Variants in TNRC6C observed in about 807,000 individuals in gnomAD.
The protein encoded by TNRC6C is trinucleotide repeat containing adaptor 6C.
TNRC6C carries 20 observed loss-of-function variants against 153.7 expected under a neutral mutation model. That is an observed-to-expected ratio of 0.13 (90% CI 0.09 to 0.19). The LOEUF is 0.19. Ranked by LOEUF, TNRC6C falls within the 10% of genes least tolerant of loss-of-function variation. The probability of loss-of-function intolerance (pLI) is 1.00; values close to 1 mark genes in which losing one functional copy is unlikely to be tolerated. For synonymous variants in TNRC6C, 811 were observed against 841.4 expected, an observed-to-expected ratio of 0.96 and a Z score of 0.63; for missense variants, 1,987 against 2,172.0, an observed-to-expected ratio of 0.91 and a Z score of 1.69.
In TNRC6C at chr17:78,028,920, G is replaced by A. The variant is rs916541386; in HGVS notation, c.-545-2596G>A. Among the ~76,000 whole-genome samples the A allele has an allele frequency of 4.6e-5, 7 of 152,154 alleles. 1 individual carries two copies. Among genetic ancestry groups the A allele is most frequent in the Admixed American group, 1.3e-4 (2 of 15,282 alleles). ...ATGAGGTGGGACTGACTATTGAGGCGCCGACTCTTGCACTTTACATGTCGG... is the reference window on the plus strand; with the variant it reads ...ATGAGGTGGGACTGACTATTGAGGCACCGACTCTTGCACTTTACATGTCGG... On this transcript the variant is annotated intron_variant, in intron 1 of 19. Coordinates refer to ENST00000301624, the Ensembl canonical transcript of TNRC6C.
In TNRC6C at chr17:78,051,456, A is replaced by G. The variant is rs1206221959; in HGVS notation, c.2394A>G (p.Lys798=). ...CACCGTTGCTTGGTCCAGGTAGGAAAGGTATTTCATGTTTCTTTACAAGTA... is the reference window on the plus strand; with the variant it reads ...CACCGTTGCTTGGTCCAGGTAGGAAGGGTATTTCATGTTTCTTTACAAGTA... The change falls in exon 3 of 20, where the codon AAA becomes AAG. Residue 798 remains lysine, a splice_region_variant and synonymous_variant. Transcript: ENST00000301624. The G allele has an allele frequency of 1.4e-6, 2 of 1,392,500 alleles. No homozygotes were observed. Among genetic ancestry groups the G allele is most frequent in the Non-Finnish European group, 1.9e-6 (2 of 1,067,890 alleles). The allele number at this position is 1,392,500 out of a possible 1,614,324, so 86.3% of individuals were successfully genotyped here.
rs1486137355 is a variant in TNRC6C, at chr17:78,086,989, C to T, written c.3698C>T (p.Ser1233Leu). Residue 1233 changes from serine to leucine, a missense_variant, in exon 13 of 20, where the codon TCG becomes TTG. Physicochemically the swap from Ser to Leu is moderately radical, Grantham distance 145. Transcript: ENST00000301624. ...TCTCTGCACCCCTCTGCAGGCAAAT[C>T]GGCCATGGACAGCTTCCCCTCGCAC... 3.7e-6 allele frequency: 6 copies of T among 1,613,758 alleles called. No individual in the cohort carries two copies. The African/African-American group carries it at 4.0e-5, about 11-fold the overall frequency.
rs746874665 is a variant in TNRC6C, at chr17:78,075,345, CCTT to C, written c.3060+68_3060+70del. 3.9e-4 allele frequency: 596 copies of C among 1,518,854 alleles called. No homozygotes were observed. The highest frequency in any genetic ancestry group is 7.0e-4 in the Admixed American group (34 of 48,250). 94.1% of individuals were successfully genotyped at this position (1,518,854 alleles called of 1,614,324 possible). A position where few individuals can be genotyped will look rare whatever the true frequency, so the allele number is the denominator to read the frequency against. ...GAGGAGTTTTTCATTTCAACTGTGTCCTTAATACAAGCCAGATTAAAAACTTGC... is the reference window on the plus strand; with the variant it reads ...GAGGAGTTTTTCATTTCAACTGTGTCAATACAAGCCAGATTAAAAACTTGC... On this transcript the variant is annotated intron_variant, in intron 8 of 19. Transcript: ENST00000301624. This position sits in a 1 kb window ranked among gnomAD's most constrained non-coding sequence, Gnocchi z 4.2.
intron 1 of TNRC6C, among the ~76,000 whole-genome samples, chr17:78,007,815 G>C (rs780359601): frequency 6.6e-6 from 1 of 152,182 alleles, no homozygotes; most frequent in African/African-American, 2.4e-5. Flanking sequence ...TTGATAATTA[G>C]CTCAAACTAG....
intron 1 of TNRC6C, among the ~76,000 whole-genome samples, chr17:77,973,487 C>T (rs1446993445): frequency 6.6e-6 from 1 of 152,120 alleles, no homozygotes; most frequent in Non-Finnish European, 1.5e-5. Flanking sequence ...AGCTTCTAGC[C>T]TATGTAGTCA....
chr17:77,958,233 C>A (rs999650297), upstream of TNRC6C, among the ~76,000 whole-genome samples: 6 of 151,960 alleles, frequency 3.9e-5, no homozygotes, highest in African/African-American at 1.4e-4. Flanking sequence ...GAGAACCCAC[C>A]GGACGCGCAG....
intron 1 of TNRC6C, among the ~76,000 whole-genome samples, chr17:78,006,372 A>G (rs1393582424): frequency 6.6e-6 from 1 of 152,254 alleles, no homozygotes; most frequent in Non-Finnish European, 1.5e-5. Flanking sequence ...CAAAAGGTTT[A>G]TGGTACATAG....
At chr17:78,042,895 G>A (rs962087164) in intron 2 of TNRC6C, among the ~76,000 whole-genome samples, 15 of 152,088 alleles carry the variant, frequency 9.9e-5, no homozygotes, top group Admixed American at 2.6e-4. Flanking sequence ...AGAACTAAAA[G>A]CATATTTTAA....
chr17:78,035,897 A>G (rs1016567732), intron 2 of TNRC6C, among the ~76,000 whole-genome samples: 1 of 152,208 alleles, frequency 6.6e-6, no homozygotes, highest in Non-Finnish European at 1.5e-5. Context: ...CTTTCTTAAA[A>G]GTAATACATA....
chr17:78,083,206 G>A (rs528795593), intron 11 of TNRC6C, 40 bp downstream of exon 13: 60 of 1,610,824 alleles, frequency 3.7e-5, no homozygotes, highest in South Asian at 8.8e-5. Flanking sequence ...CACGCAGGCC[G>A]AGTGCAGATG....
intron 13 of TNRC6C, among the ~76,000 whole-genome samples, chr17:78,089,326 G>A (rs753852973): frequency 6.6e-6 from 1 of 152,082 alleles, no homozygotes; most frequent in African/African-American, 2.4e-5. Context: ...TTCATGCAGT[G>A]AATCTTTGAA....
chr17:77,973,603 C>T (rs2144073342), intron 1 of TNRC6C, among the ~76,000 whole-genome samples: 1 of 152,320 alleles, frequency 6.6e-6, no homozygotes, highest in African/African-American at 2.4e-5. Flanking sequence ...TAGGAATCCA[C>T]AAGAAAGGTT....
upstream of TNRC6C, among the ~76,000 whole-genome samples, chr17:77,957,927 T>C (rs1303871039): frequency 2.6e-5 from 4 of 151,592 alleles, no homozygotes; most frequent in Non-Finnish European, 5.9e-5. Context: ...GCGGTGAAGG[T>C]GTGGTGTCTG....
At chr17:78,067,877 C>T (rs1198297054) in exon 5 of TNRC6C, 2 of 1,613,728 alleles carry the variant, frequency 1.2e-6, no homozygotes, top group Non-Finnish European at 1.7e-6. Flanking sequence ...GAAAGCACCT[C>T]CTCCTGCAGC....
chr17:78,003,281 G>C (rs1279407423), upstream of TNRC6C, among the ~76,000 whole-genome samples: 2 of 152,124 alleles, frequency 1.3e-5, no homozygotes, highest in Admixed American at 1.3e-4. Context: ...AGACAACCAA[G>C]GGTTACTACA....
chr17:78,073,467 G>A (rs904038917), intron 7 of TNRC6C, among the ~76,000 whole-genome samples: 2 of 152,226 alleles, frequency 1.3e-5, no homozygotes, highest in Admixed American at 6.5e-5. Flanking sequence ...CACCAGAAGC[G>A]TTGCCTTGCT....
chr17:78,093,995 T>G (rs1044410780), intron 16 of TNRC6C, among the ~76,000 whole-genome samples: 2 of 151,718 alleles, frequency 1.3e-5, no homozygotes, highest in Non-Finnish European at 2.9e-5. Context: ...TTTTTTTTTT[T>G]TTGCGATGAA....
chr17:78,049,101 T>C lies in TNRC6C; in HGVS notation c.39T>C (p.His13=). The C allele has an allele frequency of 6.3e-7, 1 of 1,575,712 alleles. No individual in the cohort carries two copies. The highest frequency in any genetic ancestry group is 8.6e-7 in the Non-Finnish European group (1 of 1,160,050). ...GTGCCCAGGGCAACTTCACTGGACA[T>C]ACCAAGAAGACAAATGGCAATAATG... Residue 13 remains histidine (H), a synonymous_variant, in exon 3 of 20, where the codon CAT becomes CAC. Coordinates refer to ENST00000301624, the Ensembl canonical transcript of TNRC6C. The surrounding 1 kb of genome is among the most constrained non-coding windows in gnomAD (Gnocchi z 4.1).
At chr17:77,996,373 C>G (rs897982370) in intron 1 of TNRC6C, among the ~76,000 whole-genome samples, 1 of 152,120 alleles carries the variant, frequency 6.6e-6, no homozygotes, top group African/African-American at 2.4e-5. Context: ...AATTGAAGGA[C>G]AAGCTGGAAA....
Sources: allele counts gnomAD v4.1 joint callset (sites outside exome capture counted in the v4.1 genomes callset), GRCh38; gene constraint gnomAD v4.1.1; non-coding constraint Gnocchi (gnomAD v3.1); transcripts MANE v1.5; gene names NCBI Gene and HGNC (gene_info 2026-07-23, HGNC 2026-07-21).